Variants in TSKU observed in about 807,000 individuals in gnomAD.
The protein encoded by TSKU is tsukushi, small leucine rich proteoglycan, also known as tsukushi.
A neutral mutation model predicts 11.2 loss-of-function variants in TSKU; 4 were observed. The ratio of observed to expected loss-of-function variants is 0.36; its 90% CI spans 0.18 to 0.82. The LOEUF is 0.82. Ranked by LOEUF, TSKU falls within the 40% of genes least tolerant of loss-of-function variation. TSKU has a pLI of 0.50. For missense variants in TSKU, 407 were observed against 482.5 expected (o/e 0.84, Z 1.47); for synonymous variants, 220 against 232.2 (o/e 0.95, Z 0.48).
chr11:76,783,850 G>T (rs1944271986), intron 1 of TSKU, among the ~76,000 whole-genome samples: 2 of 152,330 alleles, frequency 1.3e-5, no homozygotes, highest in East Asian at 3.9e-4. Flanking sequence ...CTGCCGACGT[G>T]TCTGGGCTGG....
rs1590822713 is a variant in TSKU at position 76,797,078 on chromosome 11, A to G, written c.*400A>G. The G allele has an allele frequency of 3.2e-5, 6 of 185,234 alleles. No homozygotes were observed. In the Admixed American group the frequency reaches 3.8e-4, roughly 12 times the overall value. The allele number at this position is 185,234 out of a possible 1,614,324, so 11.5% of individuals were successfully genotyped here. A position where few individuals can be genotyped will look rare whatever the true frequency, so the allele number is the denominator to read the frequency against. On this transcript the variant is annotated 3_prime_UTR_variant, in exon 2 of 2. Coordinates refer to ENST00000333090, the MANE Select transcript of TSKU (RefSeq NM_015516.4). ...CTGGGCTGAGTGTCCCCTTGGGCCC[A>G]TGGCCCAGTCACTCAGGGGCGAGTT...
rs1944433126 is a variant in TSKU, at chr11:76,795,784, C to T, written c.168C>T (p.Ile56=). The part of the protein sequence containing the change: ...GLGPHIMPVP[I]PLDTAHLDLS... ...GCCCCCACATCATGCCGGTGCCCAT[C>T]CCTCTGGACACAGCCCACTTGGACC... Residue 56 remains isoleucine (I), a synonymous_variant, in exon 2 of 2, where the codon ATC becomes ATT. Transcript: ENST00000333090. 1 of 1,614,058 alleles carries T rather than the reference C, an allele frequency of 6.2e-7. No individual in the cohort carries two copies. Among genetic ancestry groups the T allele is most frequent in the African/African-American group, 1.3e-5 (1 of 74,944 alleles).
chr11:76,790,109 T>G (rs1479898910), intron 1 of TSKU, among the ~76,000 whole-genome samples: 1 of 148,758 alleles, frequency 6.7e-6, no homozygotes. Context: ...ATGCTTTTGT[T>G]AAACTTTAAA....
Position 76,796,624 on chromosome 11 carries a change from C to T in TSKU, c.1008C>T (p.Ala336=), listed in dbSNP as rs1423897109. The T allele has an allele frequency of 7.5e-6, 11 of 1,475,166 alleles. No individual in the cohort carries two copies. Among genetic ancestry groups the T allele is most frequent in the Non-Finnish European group, 9.9e-6 (11 of 1,112,164 alleles). 91.4% of individuals were successfully genotyped at this position (1,475,166 alleles called of 1,614,324 possible). A position where few individuals can be genotyped will look rare whatever the true frequency, so the allele number is the denominator to read the frequency against. ...GGCCTGGCTCCAGCCCCAAGGTGGC[C>T]CTGCACTGCGTAGACACCCGGGATT... is the stretch of plus-strand genomic sequence containing the variant. ...PRRPGSSPKV[A]LHCVDTRDSA... The change falls in exon 2 of 2, where the codon GCC becomes GCT. Residue 336 remains alanine, a synonymous_variant. Coordinates refer to ENST00000333090, the MANE Select transcript of TSKU (RefSeq NM_015516.4). This position sits in a 1 kb window ranked among gnomAD's most constrained non-coding sequence, Gnocchi z 4.1.
chr11:76,783,462 C>T (rs1303127296), intron 1 of TSKU, 58 bp downstream of exon 1: 1 of 152,250 alleles, frequency 6.6e-6, no homozygotes, highest in Admixed American at 6.5e-5. Context: ...GATCCCAAGT[C>T]CCCGATCCTA....
At chr11:76,793,133 T>A (rs1003218997) in intron 1 of TSKU, among the ~76,000 whole-genome samples, 2 of 152,272 alleles carry the variant, frequency 1.3e-5, no homozygotes, top group Non-Finnish European at 2.9e-5. Flanking sequence ...TGTGCAGGGC[T>A]GAGCAAGGAA....
chr11:76,793,077 G>T (rs1590819526), intron 1 of TSKU, among the ~76,000 whole-genome samples: 1 of 152,256 alleles, frequency 6.6e-6, no homozygotes, highest in South Asian at 2.1e-4. Flanking sequence ...GCCCAGCCCC[G>T]GGCATAGGCC....
intron 1 of TSKU, among the ~76,000 whole-genome samples, chr11:76,793,544 G>A (rs894883796): frequency 6.6e-6 from 1 of 152,156 alleles, no homozygotes. Flanking sequence ...TAATCTCAGG[G>A]CCTTTGTGCT....
At position 76,796,258 on chromosome 11, in the gene TSKU, G is replaced by C; in HGVS notation, c.642G>C (p.Gly214=). The change falls in exon 2 of 2, where the codon GGG becomes GGC. Residue 214 remains glycine, a synonymous_variant. Transcript: ENST00000333090. The surrounding 1 kb of genome is among the most constrained non-coding windows in gnomAD (Gnocchi z 4.1). ...DLPLRYLSLD[G]NPLAVIGPGA... is the part of the protein sequence containing the mutation. Reference sequence around the variant, plus strand: ...CCCTGCGCTACCTGAGCCTGGATGGGAACCCTCTAGCTGTCATTGGTCCGG... The same window carrying C: ...CCCTGCGCTACCTGAGCCTGGATGGCAACCCTCTAGCTGTCATTGGTCCGG... 1.2e-6 allele frequency: 2 copies of C among 1,613,482 alleles called. No homozygotes were observed. The highest frequency in any genetic ancestry group is 1.7e-6 in the Non-Finnish European group (2 of 1,179,994).
At chr11:76,784,649 C>G (rs997258541) in intron 1 of TSKU, among the ~76,000 whole-genome samples, 4 of 149,870 alleles carry the variant, frequency 2.7e-5, no homozygotes, top group African/African-American at 9.8e-5. Flanking sequence ...CTTGGCCTGG[C>G]GAGGAGGTGA....
Position 76,796,684 on chromosome 11 carries a change from G to A in TSKU, c.*6G>A. ...GGGGCCCCACCATCTTGTGACAAAT[G>A]GTGTGGCCCAGGGCCACATAACAGA... On this transcript the variant is annotated 3_prime_UTR_variant, in exon 2 of 2. Transcript: ENST00000333090. This position sits in a 1 kb window ranked among gnomAD's most constrained non-coding sequence, Gnocchi z 4.1. 2 of 1,448,156 alleles carry A rather than the reference G, an allele frequency of 1.4e-6. No homozygotes were observed. The highest frequency in any genetic ancestry group is 1.8e-6 in the Non-Finnish European group (2 of 1,096,726). 89.7% of individuals were successfully genotyped at this position (1,448,156 alleles called of 1,614,324 possible).
rs746767100 is a variant in TSKU at position 76,795,622 on chromosome 11, G to A, written c.6G>A (p.Pro2=). The change falls in exon 2 of 2, where the codon CCG becomes CCA. Residue 2 remains proline, a synonymous_variant. Transcript: ENST00000333090. M[P]WPLLLLLAVS... is the part of the protein sequence containing the mutation. ...CTCTCTTTCTAGCCCCCACCATGCC[G>A]TGGCCCCTGCTGCTGCTGCTGGCCG... is the stretch of plus-strand genomic sequence containing the variant. 5 of 1,609,988 alleles carry A rather than the reference G, an allele frequency of 3.1e-6. No homozygotes were observed. Among genetic ancestry groups the A allele is most frequent in the Admixed American group, 1.7e-5 (1 of 59,996 alleles).
rs750770182 is a variant in TSKU, at chr11:76,795,585, C to T, written c.-8-24C>T. On this transcript the variant is annotated intron_variant, in intron 1 of 1. Coordinates refer to ENST00000333090, the MANE Select transcript of TSKU (RefSeq NM_015516.4). ...CTTTAGACCATCTGGTGCATTCATT[C>T]CTCACCTGTGGCTCTCTTTCTAGCC... 3.7e-5 allele frequency: 59 copies of T among 1,596,266 alleles called. No homozygotes were observed. The South Asian group carries it at 6.4e-4, about 17-fold the overall frequency.
chr11:76,782,596 G>A (rs1158063743), upstream of TSKU: 1 of 148,900 alleles, frequency 6.7e-6, no homozygotes, highest in East Asian at 2.0e-4. Context: ...AGAGGGGTGA[G>A]AGCCCAAGAG....
Position 76,797,361 on chromosome 11 carries a change from A to G in TSKU, c.*683A>G, listed in dbSNP as rs980592145. 6.0e-6 allele frequency: 1 copy of G among 166,378 alleles called. No homozygotes were observed. The highest frequency in any genetic ancestry group is 1.5e-5 in the Non-Finnish European group (1 of 68,030). The allele number at this position is 166,378 out of a possible 1,614,324, so 10.3% of individuals were successfully genotyped here. A position where few individuals can be genotyped will look rare whatever the true frequency, so the allele number is the denominator to read the frequency against. ...TTTCTTGTCTCCTCTAATAAGCCCC[A>G]CCCTCCCCGCCTGGGCTCCCCTTGC... On this transcript the variant is annotated 3_prime_UTR_variant, in exon 2 of 2. Coordinates refer to ENST00000333090, the MANE Select transcript of TSKU (RefSeq NM_015516.4).
rs1944433635 is a variant in TSKU at position 76,795,820 on chromosome 11, C to T, written c.204C>T (p.Asn68=). The T allele has an allele frequency of 6.2e-7, 1 of 1,614,112 alleles. No individual in the cohort carries two copies. Among genetic ancestry groups the T allele is most frequent in the African/African-American group, 1.3e-5 (1 of 75,058 alleles). Residue 68 remains asparagine, a synonymous_variant, in exon 2 of 2, where the codon AAC becomes AAT. Transcript: ENST00000333090. ...CAGCCCACTTGGACCTGTCCTCCAA[C>T]CGGCTGGAGATGGTGAATGAGTCGG... ...LDTAHLDLSS[N]RLEMVNESVL...
At chr11:76,783,558 G>C (rs1452234994) in intron 1 of TSKU, among the ~76,000 whole-genome samples, 154 bp downstream of exon 1, 9 of 152,142 alleles carry the variant, frequency 5.9e-5, no homozygotes, top group Admixed American at 5.2e-4. Context: ...AACTTTCGTC[G>C]GACGCCTAGG....
chr11:76,788,780 C>T (rs115379647), intron 1 of TSKU, among the ~76,000 whole-genome samples: 206 of 152,312 alleles, frequency 1.4e-3, no homozygotes, highest in African/African-American at 4.9e-3. Context: ...CTCCACACAC[C>T]CTCTAGGCCT....
chr11:76,788,912 G>A (rs901674085), intron 1 of TSKU, among the ~76,000 whole-genome samples: 5 of 152,196 alleles, frequency 3.3e-5, no homozygotes, highest in Non-Finnish European at 7.3e-5. Context: ...TACTGAAGGA[G>A]GCCTGTGGGT....
Sources: gnomAD v4.1 joint callset for allele counts (sites outside exome capture counted in the v4.1 genomes callset) on GRCh38, gnomAD v4.1.1 for gene constraint, Gnocchi (gnomAD v3.1) non-coding constraint, MANE v1.5 for transcripts, NCBI Gene and HGNC (gene_info 2026-07-23, HGNC 2026-07-21) for gene names.